Variants in DYNC2H1 observed in about 807,000 individuals in gnomAD.
The protein encoded by DYNC2H1 is cytoplasmic dynein 2 heavy chain 1.
Under a neutral mutation model 570.0 loss-of-function variants are expected in DYNC2H1, and 410 were observed. The ratio of observed to expected loss-of-function variants is 0.72; its 90% CI spans 0.66 to 0.78. The LOEUF (loss-of-function observed/expected upper bound fraction) is 0.78. Ranked by LOEUF, DYNC2H1 falls within the 30% of genes least tolerant of loss-of-function variation. The pLI is 0.00. For synonymous variants in DYNC2H1, 1,688 were observed against 1,677.6 expected, an observed-to-expected ratio of 1.01 and a Z score of -0.15; for missense variants, 4,865 against 5,046.4, an observed-to-expected ratio of 0.96 and a Z score of 1.09.
At chr11:103,169,302 T>C (rs1861470535) in intron 32 of DYNC2H1, among the ~76,000 whole-genome samples, 1 of 152,130 alleles carries the variant, frequency 6.6e-6, no homozygotes. Context: ...TGTCTCCTTA[T>C]ACAAGGCAAA....
intron 84 of DYNC2H1, among the ~76,000 whole-genome samples, chr11:103,434,990 G>A (rs1565596950): frequency 6.6e-6 from 1 of 152,108 alleles, no homozygotes; most frequent in Admixed American, 6.6e-5. Flanking sequence ...CAAGTCTCAA[G>A]AGGCAAAGTG....
rs771671546 is a variant in DYNC2H1, at chr11:103,156,715, C to T, written c.4072C>T (p.Arg1358Cys). Residue 1358 changes from arginine (R) to cysteine (C), a missense_variant, in exon 26 of 89, where the codon CGT becomes TGT. By Grantham distance (180) the Arg-to-Cys change is radical. Transcript: ENST00000375735. ...KWVYLEPIFGRGALPKEQTRF... is the reference protein window; with the variant it reads ...KWVYLEPIFGCGALPKEQTRF... ...GGTGTATTTGGAACCCATTTTCGGC[C>T]GTGGAGCATTGCCAAAAGAACAGAC... The T allele has an allele frequency of 9.9e-6, 16 of 1,613,252 alleles. No homozygotes were observed. Among genetic ancestry groups the T allele is most frequent in the Middle Eastern group, 1.7e-4 (1 of 6,060 alleles).
At position 103,158,765 on chromosome 11, in the gene DYNC2H1, G is replaced by C. The variant is rs747836884; in HGVS notation, c.4216G>C (p.Asp1406His). The stretch of plus-strand genomic sequence containing the variant: ...AAGAAATTCTCTACTAACAATACTT[G>C]ATCAGCTTCAAAGATGTCAGAAATC... ...GIRNSLLTILDQLQRCQKSLN... is the reference protein window; with the variant it reads ...GIRNSLLTILHQLQRCQKSLN... The change falls in exon 27 of 89, where the codon GAT (aspartate) becomes CAT (histidine). Residue 1406 changes from aspartate to histidine, a missense_variant. Transcript: ENST00000375735. The C allele has an allele frequency of 6.6e-7, 1 of 1,507,044 alleles. No homozygotes were observed. The highest frequency in any genetic ancestry group is 1.4e-5 in the African/African-American group (1 of 72,182). 93.4% of individuals were successfully genotyped at this position (1,507,044 alleles called of 1,614,324 possible).
intron 54 of DYNC2H1, among the ~76,000 whole-genome samples, chr11:103,213,643 A>C (rs1321949585): frequency 6.6e-6 from 1 of 150,446 alleles, no homozygotes; most frequent in African/African-American, 2.4e-5. Context: ...AAAAAAATCT[A>C]TTCAGATCCT....
chr11:103,423,122 CATCAA>C (rs1943545486), intron 84 of DYNC2H1, among the ~76,000 whole-genome samples: 2 of 151,760 alleles, frequency 1.3e-5, no homozygotes, highest in Non-Finnish European at 2.9e-5. Context: ...AAGATATTGT[CATCAA>C]AATACTGTGG....
At chr11:103,414,902 A>T (rs3018427) in intron 84 of DYNC2H1, among the ~76,000 whole-genome samples, 3 of 152,062 alleles carry the variant, frequency 2.0e-5, no homozygotes, top group African/African-American at 7.2e-5. Context: ...CAAATAGAAA[A>T]AAAATTCCAT....
intron 84 of DYNC2H1, chr11:103,407,626 T>C (rs138359055): frequency 1.3e-5 from 2 of 152,066 alleles, no homozygotes; most frequent in East Asian, 3.9e-4. Context: ...ATTTGTGGTA[T>C]AGAGTACTGG....
chr11:103,324,112 C>G lies in DYNC2H1; in HGVS notation c.12039+122C>G. 1 of 449,060 alleles carries G rather than the reference C, an allele frequency of 2.2e-6. No homozygotes were observed. The allele number at this position is 449,060 out of a possible 1,614,324, so 27.8% of individuals were successfully genotyped here. A position where few individuals can be genotyped will look rare whatever the true frequency, so the allele number is the denominator to read the frequency against. On this transcript the variant is annotated intron_variant, in intron 82 of 88. Transcript: ENST00000375735. The surrounding 1 kb of genome is among the most constrained non-coding windows in gnomAD (Gnocchi z 5.2). ...TTATTTAAACATTTTATTTTCACAA[C>G]ACATTCCAGTTTTACTTTAAATATA...
At chr11:103,427,750 A>C (rs1591739915) in intron 84 of DYNC2H1, among the ~76,000 whole-genome samples, 1 of 152,224 alleles carries the variant, frequency 6.6e-6, no homozygotes, top group East Asian at 1.9e-4. Flanking sequence ...CTCCATTCTC[A>C]TGAGCTTATT....
intron 83 of DYNC2H1, among the ~76,000 whole-genome samples, chr11:103,392,884 C>CTATT (rs1322112771): frequency 3.4e-5 from 3 of 88,972 alleles, no homozygotes; most frequent in Non-Finnish European, 7.5e-5. Context: ...ATTCCTGAAA[C>CTATT]TATTTTTTTT....
intron 83 of DYNC2H1, among the ~76,000 whole-genome samples, chr11:103,377,771 C>G (rs1941453243): frequency 6.6e-6 from 1 of 152,168 alleles, no homozygotes; most frequent in Non-Finnish European, 1.5e-5. Flanking sequence ...CAGTCTCGCT[C>G]TGTTGCCCAG....
In DYNC2H1 at chr11:103,145,661, T is replaced by G. The variant is rs528439472; in HGVS notation, c.2703-2111T>G. Among the ~76,000 whole-genome samples the G allele has an allele frequency of 6.6e-6, 1 of 152,346 alleles. No homozygotes were observed. Among genetic ancestry groups the G allele is most frequent in the South Asian group, 2.1e-4 (1 of 4,832 alleles). On this transcript the variant is annotated intron_variant, in intron 18 of 88. Coordinates refer to ENST00000375735, the MANE Select transcript of DYNC2H1 (RefSeq NM_001377.3). The surrounding 1 kb of genome is among the most constrained non-coding windows in gnomAD (Gnocchi z 4.2). ...ATTCATCTAAGTGAATACATACATA[T>G]GCACATACAAACATACACATTTATT... is the stretch of plus-strand genomic sequence containing the variant.
intron 73 of DYNC2H1, among the ~76,000 whole-genome samples, chr11:103,284,659 T>G (rs1411139977): frequency 6.6e-6 from 1 of 152,208 alleles, no homozygotes; most frequent in Non-Finnish European, 1.5e-5. Flanking sequence ...TAAATTGAAA[T>G]GTAATTTATT....
At chr11:103,442,762 C>T (rs895910663) in intron 85 of DYNC2H1, among the ~76,000 whole-genome samples, 1 of 152,058 alleles carries the variant, frequency 6.6e-6, no homozygotes, top group Non-Finnish European at 1.5e-5. Flanking sequence ...CCAATTTTAG[C>T]AGCTTCCTGG....
At position 103,139,932 on chromosome 11, in the gene DYNC2H1, G is replaced by A. The variant is rs1322493150; in HGVS notation, c.2575-3336G>A. Among the ~76,000 whole-genome samples the A allele has an allele frequency of 3.9e-5, 6 of 152,314 alleles. No homozygotes were observed. In the East Asian group the frequency reaches 7.7e-4, roughly 20 times the overall value. On this transcript the variant is annotated intron_variant, in intron 17 of 88. Transcript: ENST00000375735. Reference sequence around the variant, plus strand: ...AGTGCATATATATTTAGGATGGTTAGCTCTTCTTGTTGAATTGATCCATTT... The same window carrying A: ...AGTGCATATATATTTAGGATGGTTAACTCTTCTTGTTGAATTGATCCATTT...
intron 34 of DYNC2H1, 117 bp downstream of exon 34, chr11:103,171,185 C>A (rs1477514334): frequency 1.0e-5 from 10 of 959,038 alleles, no homozygotes; most frequent in Non-Finnish European, 1.4e-5. Flanking sequence ...TAATCTGTAA[C>A]CTGTGTTGTA....
chr11:103,110,896 G>T (rs1490841943), intron 1 of DYNC2H1, among the ~76,000 whole-genome samples: 1 of 151,748 alleles, frequency 6.6e-6, no homozygotes, highest in Non-Finnish European at 1.5e-5. Flanking sequence ...CACAATCTTG[G>T]CTCACTGCAA....
At position 103,179,176 on chromosome 11, in the gene DYNC2H1, A is replaced by G. The variant is rs1340464967; in HGVS notation, c.6290A>G (p.His2097Arg). The stretch of plus-strand genomic sequence containing the variant: ...AATGTTAACTTTGTATTTGAAACTC[A>G]TGATTTAAGTTGTGCATCACCAGCC... The part of the protein sequence containing the change: ...GPNVNFVFET[H>R]DLSCASPATI... Residue 2097 changes from histidine to arginine, a missense_variant, in exon 39 of 89, where the codon CAT becomes CGT. Transcript: ENST00000375735. 1 of 1,613,136 alleles carries G rather than the reference A, an allele frequency of 6.2e-7. No homozygotes were observed. The highest frequency in any genetic ancestry group is 8.5e-7 in the Non-Finnish European group (1 of 1,179,314).
chr11:103,113,517 A>C lies in DYNC2H1; in HGVS notation c.196-20A>C. 6.7e-7 allele frequency: 1 copy of C among 1,487,818 alleles called. No individual in the cohort carries two copies. The highest frequency in any genetic ancestry group is 8.9e-7 in the Non-Finnish European group (1 of 1,122,844). 92.2% of individuals were successfully genotyped at this position (1,487,818 alleles called of 1,614,324 possible). A position where few individuals can be genotyped will look rare whatever the true frequency, so the allele number is the denominator to read the frequency against. ...ATTAAATTTTATGAAGATAACATTA[A>C]AAATCATTTATCACTTTAGATTGAG... On this transcript the variant is annotated intron_variant, in intron 1 of 88. Transcript: ENST00000375735.
Sources: gnomAD v4.1 joint callset for allele counts (sites outside exome capture counted in the v4.1 genomes callset) on GRCh38, gnomAD v4.1.1 for gene constraint, Gnocchi (gnomAD v3.1) non-coding constraint, MANE v1.5 for transcripts, NCBI Gene and HGNC (gene_info 2026-07-23, HGNC 2026-07-21) for gene names.